PTPN7: variants seen among roughly 807,000 people sequenced by gnomAD.
PTPN7 encodes the protein protein tyrosine phosphatase non-receptor type 7.
PTPN7 carries 33 observed loss-of-function variants against 50.3 expected under a neutral mutation model. The ratio of observed to expected loss-of-function variants is 0.66; its 90% CI spans 0.50 to 0.88. PTPN7 has a LOEUF of 0.88. PTPN7 is among the 40% of genes least tolerant of loss of function. The probability of loss-of-function intolerance (pLI) is 0.00; values close to 1 mark genes in which losing one functional copy is unlikely to be tolerated. For synonymous variants in PTPN7, 185 were observed against 186.6 expected (o/e 0.99, Z 0.07); for missense variants, 412 against 475.4 (o/e 0.87, Z 1.24).
Position 202,150,360 on chromosome 1 carries a change from G to C in PTPN7, c.940C>G (p.Arg314Gly), listed in dbSNP as rs752338465. 2.0e-5 allele frequency: 33 copies of C among 1,612,856 alleles called. No individual in the cohort carries two copies. In the East Asian group the frequency reaches 3.8e-4, roughly 19 times the overall value. The stretch of plus-strand genomic sequence containing the variant: ...ATACCCAGAATGTCCACTTCTCCTC[G>C]GGCTTTCAGCTGTTGACAGCCAATT... ...TRIGCQQLKA[R>G]GEVDILGIVC... Residue 314 changes from arginine to glycine, a missense_variant, in exon 9 of 10, where the codon CGA becomes GGA. By Grantham distance (125) the Arg-to-Gly change is moderately radical. Transcript: ENST00000691036.
chr1:202,155,534 C>T lies in PTPN7; in HGVS notation c.467G>A (p.Arg156Gln), dbSNP rs368406422. Residue 156 changes from arginine (R) to glutamine (Q), a missense_variant and splice_region_variant, in exon 5 of 10, where the codon CGA becomes CAA. Arg to Gln is a conservative substitution (Grantham distance 43). Transcript: ENST00000691036. ...DGDYINANYIRGYDGKEKVYI... is the reference protein window; with the variant it reads ...DGDYINANYIQGYDGKEKVYI... ...CACCACTGCAGCCAGGCCACTCACT[C>T]GGATGTAGTTGGCATTGATGTAATC... 21 of 1,546,032 alleles carry T rather than the reference C, an allele frequency of 1.4e-5. No homozygotes were observed. Among genetic ancestry groups the T allele is most frequent in the Admixed American group, 1.7e-5 (1 of 59,860 alleles).
intron 7 of PTPN7, among the ~76,000 whole-genome samples, chr1:202,152,968 C>T (rs1487388674): frequency 6.6e-6 from 1 of 152,198 alleles, no homozygotes; most frequent in African/African-American, 2.4e-5. Context: ...GGGCAAGTCC[C>T]TTGATCTCAT....
rs1656912547 is a variant in PTPN7 at position 202,158,233 on chromosome 1, A to G, written c.191T>C (p.Val64Ala). The G allele has an allele frequency of 6.2e-7, 1 of 1,614,020 alleles. No homozygotes were observed. Among genetic ancestry groups the G allele is most frequent in the African/African-American group, 1.3e-5 (1 of 74,910 alleles). The part of the protein sequence containing the change: ...SLGAVEPICS[V>A]NTPREVTLHF... ...TAGGGTGACCTCCCGGGGTGTGTTC[A>G]CAGAGCAGATGGGTTCTACGGCCCC... Residue 64 changes from valine to alanine, a missense_variant, in exon 3 of 10, where the codon GTG (valine) becomes GCG (alanine). By Grantham distance (64) the Val-to-Ala change is moderately conservative. Transcript: ENST00000691036.
intron 8 of PTPN7, among the ~76,000 whole-genome samples, chr1:202,151,390 C>T (rs1371824425): frequency 1.3e-5 from 2 of 152,222 alleles, no homozygotes; most frequent in Non-Finnish European, 2.9e-5. Context: ...GCTAATTCAC[C>T]TTTCAGGTCT....
At chr1:202,155,841 C>T (rs905510701) in intron 4 of PTPN7, among the ~76,000 whole-genome samples, 3 of 152,168 alleles carry the variant, frequency 2.0e-5, no homozygotes, top group South Asian at 2.1e-4. Flanking sequence ...CTCACTGTAA[C>T]CTCTAACTCT....
intron 8 of PTPN7, among the ~76,000 whole-genome samples, chr1:202,151,922 A>G (rs1656047554): frequency 6.6e-6 from 1 of 152,136 alleles, no homozygotes; most frequent in Non-Finnish European, 1.5e-5. Context: ...TGACAAAAAT[A>G]GGTTTTCCTT....
intron 5 of PTPN7, 145 bp downstream of exon 5, chr1:202,155,388 G>T: frequency 1.3e-6 from 1 of 793,112 alleles, no homozygotes; most frequent in Non-Finnish European, 2.0e-6. Flanking sequence ...TACCAGCCCA[G>T]CTTGGTAGGG....
At position 202,152,564 on chromosome 1, in the gene PTPN7, C is replaced by CG; in HGVS notation, c.852dup (p.Gly285ArgfsTer72). On this transcript the variant is annotated frameshift_variant, in exon 8 of 10. Transcript: ENST00000691036. LOFTEE classifies it high-confidence loss of function. Reference sequence around the variant, plus strand: ...CACCTGCAGTGGACTACGATAGGCCCGGGGTGGGCGGCTGTCTCCGGGCTC... The same window carrying CG: ...CACCTGCAGTGGACTACGATAGGCCCGGGGGTGGGCGGCTGTCTCCGGGCTC... The CG allele has an allele frequency of 6.2e-7, 1 of 1,613,290 alleles. No homozygotes were observed. The highest frequency in any genetic ancestry group is 8.5e-7 in the Non-Finnish European group (1 of 1,179,966).
chr1:202,156,844 T>C (rs2147846957), intron 4 of PTPN7, among the ~76,000 whole-genome samples: 1 of 152,208 alleles, frequency 6.6e-6, no homozygotes, highest in Admixed American at 6.5e-5. Context: ...AGGGAGAGGC[T>C]CCGGGGCCTC....
upstream of PTPN7, chr1:202,161,513 G>A: frequency 7.8e-7 from 1 of 1,289,636 alleles, no homozygotes; most frequent in Non-Finnish European, 1.0e-6. Context: ...CACTGCCCCT[G>A]CCTGACCTTG....
At position 202,157,828 on chromosome 1, in the gene PTPN7, C is replaced by A; in HGVS notation, c.307-5G>T. Reference sequence around the variant, plus strand: ...GACAAAGTTTGAAGGGATCTTCTGGCAGGGGGAGGAAATGGGTGAGCAGCT... The same window carrying A: ...GACAAAGTTTGAAGGGATCTTCTGGAAGGGGGAGGAAATGGGTGAGCAGCT... On this transcript the variant is annotated splice_region_variant and splice_polypyrimidine_tract_variant and intron_variant, in intron 3 of 9. Transcript: ENST00000691036. 6.2e-7 allele frequency: 1 copy of A among 1,613,444 alleles called. No homozygotes were observed. Among genetic ancestry groups the A allele is most frequent in the Non-Finnish European group, 8.5e-7 (1 of 1,179,410 alleles).
chr1:202,155,403 G>T, intron 5 of PTPN7, 130 bp downstream of exon 5: 1 of 896,470 alleles, frequency 1.1e-6, no homozygotes, highest in Non-Finnish European at 1.7e-6. Context: ...GTAGGGCTAT[G>T]ACAGCAGTGA....
rs1657121834 is a variant in PTPN7, at chr1:202,159,597, A to C, written c.-52-143T>G. On this transcript the variant is annotated intron_variant, in intron 1 of 9. Transcript: ENST00000691036. The surrounding 1 kb of genome is among the most constrained non-coding windows in gnomAD (Gnocchi z 4.6). ...AGGTGGCCTCATTTTCACTAAGGGA[A>C]GGACAGGATCTATTTGGTGGGACCC... 6.7e-7 allele frequency: 1 copy of C among 1,489,008 alleles called. No individual in the cohort carries two copies. The highest frequency in any genetic ancestry group is 8.9e-7 in the Non-Finnish European group (1 of 1,124,080). 92.2% of individuals were successfully genotyped at this position (1,489,008 alleles called of 1,614,324 possible).
At chr1:202,151,953 C>T (rs1235316482) in intron 8 of PTPN7, among the ~76,000 whole-genome samples, 2 of 152,150 alleles carry the variant, frequency 1.3e-5, no homozygotes, top group African/African-American at 4.8e-5. Context: ...GAGTCTCGCT[C>T]TGTCACCCAG....
chr1:202,158,151 T>C lies in PTPN7; in HGVS notation c.273A>G (p.Pro91=). 6.2e-7 allele frequency: 1 copy of C among 1,605,576 alleles called. No homozygotes were observed. The highest frequency in any genetic ancestry group is 2.2e-5 in the East Asian group (1 of 44,820). ...CTTCTTCCAGTTGCTTGGGGCTGGG[T>C]GGCTGGCGCTGAAGGGCCCAGCGGG... ...PLTRWALQRQ[P]PSPKQLEEEF... Residue 91 remains proline, a synonymous_variant, in exon 3 of 10, where the codon CCA becomes CCG. Transcript: ENST00000691036.
chr1:202,148,870 T>TTG (rs1655622330), intron 9 of PTPN7, among the ~76,000 whole-genome samples, 171 bp from the exon 10 acceptor site: 3 of 145,146 alleles, frequency 2.1e-5, no homozygotes, highest in Non-Finnish European at 4.5e-5. Context: ...TTTTTTTTTT[T>TTG]TGTGAGACAG....
rs754051725 is a variant in PTPN7 at position 202,159,381 on chromosome 1, G to GC, written c.21dup (p.Arg8AlafsTer21). Reference sequence around the variant, plus strand: ...AAGGTCAACGGCTGTGCTCTGGAGCGCCCCCCATGGGCTTGGACCATGCTG... The same window carrying GC: ...AAGGTCAACGGCTGTGCTCTGGAGCGCCCCCCCATGGGCTTGGACCATGCTG... On this transcript the variant is annotated frameshift_variant, in exon 2 of 10. Coordinates refer to ENST00000691036, the MANE Select transcript of PTPN7 (RefSeq NM_002832.4). LOFTEE classifies it high-confidence loss of function. The surrounding 1 kb of genome is among the most constrained non-coding windows in gnomAD (Gnocchi z 4.6). 15 of 1,614,068 alleles carry GC rather than the reference G, an allele frequency of 9.3e-6. No homozygotes were observed. Among genetic ancestry groups the GC allele is most frequent in the South Asian group, 3.3e-5 (3 of 91,090 alleles).
intron 9 of PTPN7, 53 bp from the exon 10 acceptor site, chr1:202,148,752 G>A: frequency 6.7e-7 from 1 of 1,493,872 alleles, no homozygotes. Flanking sequence ...GGTGCTGGCT[G>A]AATGGCTCCA....
chr1:202,148,617 G>T lies in PTPN7; in HGVS notation c.1072C>A (p.Pro358Thr). 6.2e-7 allele frequency: 1 copy of T among 1,613,930 alleles called. No individual in the cohort carries two copies. The highest frequency in any genetic ancestry group is 8.5e-7 in the Non-Finnish European group (1 of 1,179,920). The change falls in exon 10 of 10, where the codon CCC (proline) becomes ACC (threonine). Residue 358 changes from proline to threonine, a missense_variant. Coordinates refer to ENST00000691036, the MANE Select transcript of PTPN7 (RefSeq NM_002832.4). ...ALYAGQLPEEPSP is the reference protein window; with the variant it reads ...ALYAGQLPEETSP ...GAGGGTGGCAGGGGTCAGGGGCTGG[G>T]TTCCTCAGGCAGCTGGCCTGCATAC...
Sources: gnomAD v4.1 joint callset for allele counts (sites outside exome capture counted in the v4.1 genomes callset) on GRCh38, gnomAD v4.1.1 for gene constraint, Gnocchi (gnomAD v3.1) non-coding constraint, MANE v1.5 for transcripts, NCBI Gene and HGNC (gene_info 2026-07-23, HGNC 2026-07-21) for gene names.